COG4: variants seen among roughly 807,000 people sequenced by gnomAD.
The protein encoded by COG4 is conserved oligomeric Golgi complex subunit 4.
A neutral mutation model predicts 95.1 loss-of-function variants in COG4; 65 were observed. The observed-to-expected ratio is 0.68, with a 90% CI of 0.56 to 0.84. The LOEUF (loss-of-function observed/expected upper bound fraction) is 0.84, where lower values mean the gene tolerates loss of function less well. Among genes scored for constraint, COG4 ranks in the 40% least tolerant of loss-of-function variants. The pLI is 0.00. For missense variants in COG4, 1,045 were observed against 989.1 expected (o/e 1.06, Z -0.76); for synonymous variants, 421 against 374.8 (o/e 1.12, Z -1.42).
chr16:70,499,191 A>C (rs2049399399), intron 9 of COG4, among the ~76,000 whole-genome samples: 1 of 152,172 alleles, frequency 6.6e-6, no homozygotes, highest in African/African-American at 2.4e-5. Flanking sequence ...TTTTTTATTA[A>C]ATTTTTTTTT....
At chr16:70,499,399 A>G (rs1231081219) in intron 9 of COG4, among the ~76,000 whole-genome samples, 1 of 152,236 alleles carries the variant, frequency 6.6e-6, no homozygotes, top group Admixed American at 6.5e-5. Context: ...ACTCCAAATG[A>G]GCACACAATT....
At position 70,523,397 on chromosome 16, in the gene COG4, T is replaced by C; in HGVS notation, c.147A>G (p.Val49=). 1 of 1,614,176 alleles carries C rather than the reference T, an allele frequency of 6.2e-7. No homozygotes were observed. The change falls in exon 1 of 19, where the codon GTA becomes GTG. Residue 49 remains valine, a synonymous_variant. Coordinates refer to ENST00000323786, the MANE Select transcript of COG4 (RefSeq NM_015386.3). Reference sequence around the variant, plus strand: ...CCTCCTCGCCGCAGAGCCGTTCGTATACAGCCTCCAGCTCCTGCAGCTCTG... The same window carrying C: ...CCTCCTCGCCGCAGAGCCGTTCGTACACAGCCTCCAGCTCCTGCAGCTCTG... ...SLTELQELEA[V]YERLCGEEKV... is the part of the protein sequence containing the mutation.
chr16:70,514,677 T>C (rs1484530807), intron 3 of COG4, among the ~76,000 whole-genome samples, 168 bp from the exon 4 acceptor site: 2 of 152,188 alleles, frequency 1.3e-5, no homozygotes, highest in African/African-American at 2.4e-5. Context: ...ATCAAGACCA[T>C]TGACAGATAT....
chr16:70,489,132 T>C (rs957481245), intron 13 of COG4, among the ~76,000 whole-genome samples: 1 of 152,176 alleles, frequency 6.6e-6, no homozygotes, highest in Admixed American at 6.5e-5. Context: ...TAACAGCTAC[T>C]AGCTTTGTAT....
At chr16:70,510,597 T>C (rs2151759082) in intron 5 of COG4, among the ~76,000 whole-genome samples, 1 of 152,310 alleles carries the variant, frequency 6.6e-6, no homozygotes, top group Admixed American at 6.5e-5. Flanking sequence ...AGTGTTGGAA[T>C]TACAGGCGTG....
Position 70,480,951 on chromosome 16 carries a change from G to A in COG4, c.*59C>T, listed in dbSNP as rs1035186212. On this transcript the variant is annotated 3_prime_UTR_variant, in exon 19 of 19. Coordinates refer to ENST00000323786, the MANE Select transcript of COG4 (RefSeq NM_015386.3). ...GACAGCCTCGCTCAGCTCCTTGGCT[G>A]GGGCCCCTTAGGGAACAGGCCTGCA... is the stretch of plus-strand genomic sequence containing the variant. 3.7e-6 allele frequency: 6 copies of A among 1,602,516 alleles called. No individual in the cohort carries two copies. The highest frequency in any genetic ancestry group is 5.1e-6 in the Non-Finnish European group (6 of 1,175,860).
At position 70,517,712 on chromosome 16, in the gene COG4, C is replaced by A. The variant is rs1484301948; in HGVS notation, c.283G>T (p.Ala95Ser). Residue 95 changes from alanine (A) to serine (S), a missense_variant, in exon 3 of 19, where the codon GCA becomes TCA. By Grantham distance (99) the Ala-to-Ser change is moderately conservative (BLOSUM62 1). Coordinates refer to ENST00000323786, the MANE Select transcript of COG4 (RefSeq NM_015386.3). ...GTGATCATTCCAGCCAGCTGCTTTG[C>A]ATCTCCCTCAATCAGCTGCAGATTA... is the stretch of plus-strand genomic sequence containing the variant. ...GPNLQLIEGD[A>S]KQLAGMITFT... The A allele has an allele frequency of 6.2e-7, 1 of 1,612,674 alleles. No homozygotes were observed. The highest frequency in any genetic ancestry group is 1.1e-5 in the South Asian group (1 of 91,054).
intron 14 of COG4, among the ~76,000 whole-genome samples, chr16:70,483,571 G>A (rs1040304078): frequency 6.6e-6 from 1 of 152,088 alleles, no homozygotes; most frequent in South Asian, 2.1e-4. Flanking sequence ...ACAACCATGT[G>A]GCTCCACTTC....
At chr16:70,481,205 G>T in intron 18 of COG4, 61 bp from the exon 19 acceptor site, 3 of 1,606,524 alleles carry the variant, frequency 1.9e-6, no homozygotes, top group Non-Finnish European at 2.6e-6. Context: ...GAGGGCTCTG[G>T]CCTCTACCAG....
chr16:70,508,972 T>G lies in COG4; in HGVS notation c.1002+259A>C, dbSNP rs2049639050. ...GCACATTTTGTGATAGAGAACTGGT[T>G]TACTACTTCTGCTGTGTTCTTTTCA... On this transcript the variant is annotated intron_variant, in intron 7 of 18. Coordinates refer to ENST00000323786, the MANE Select transcript of COG4 (RefSeq NM_015386.3). 1.4e-5 allele frequency: 8 copies of G among 566,306 alleles called. No individual in the cohort carries two copies. The South Asian group carries it at 1.5e-4, about 10-fold the overall frequency. 35.1% of individuals were successfully genotyped at this position (566,306 alleles called of 1,614,324 possible). A position where few individuals can be genotyped will look rare whatever the true frequency, so the allele number is the denominator to read the frequency against.
chr16:70,519,528 A>G, intron 2 of COG4, 121 bp downstream of exon 2: 1 of 739,382 alleles, frequency 1.4e-6, no homozygotes, highest in Non-Finnish European at 2.4e-6. Context: ...TTATCTTGAG[A>G]TAATACCCTT....
chr16:70,519,728 C>T lies in COG4; in HGVS notation c.175G>A (p.Val59Met), dbSNP rs2049895876. The change falls in exon 2 of 19, where the codon GTG becomes ATG. Residue 59 changes from valine (V) to methionine (M), a missense_variant. Physicochemically the swap from Val to Met is conservative, Grantham distance 21. Transcript: ENST00000323786. ...AGAGCATCCAGCTCTCTCTCCACCA[C>T]TTTCTGAAACACAGAGAAACATCCT... ...VYERLCGEEK[V>M]VERELDALLE... 1.2e-6 allele frequency: 2 copies of T among 1,612,054 alleles called. No individual in the cohort carries two copies. Among genetic ancestry groups the T allele is most frequent in the East Asian group, 4.5e-5 (2 of 44,878 alleles).
chr16:70,496,702 C>G lies in COG4; in HGVS notation c.1482-271G>C, dbSNP rs1044502879. Among the ~76,000 whole-genome samples the G allele has an allele frequency of 8.5e-5, 13 of 152,350 alleles. 1 individual carries two copies. Among genetic ancestry groups the G allele is most frequent in the East Asian group, 1.9e-4 (1 of 5,190 alleles). ...TTAGCCATCACCACTGCACTCCCAA[C>G]AAAGCTGTGCGGCTTAGTGAACGCA... On this transcript the variant is annotated intron_variant, in intron 11 of 18. Coordinates refer to ENST00000323786, the MANE Select transcript of COG4 (RefSeq NM_015386.3).
chr16:70,497,968 T>C lies in COG4; in HGVS notation c.1283A>G (p.Glu428Gly). 1 of 1,610,810 alleles carries C rather than the reference T, an allele frequency of 6.2e-7. No individual in the cohort carries two copies. Among genetic ancestry groups the C allele is most frequent in the Non-Finnish European group, 8.5e-7 (1 of 1,176,984 alleles). ...QELIGLYVTM[E>G]EYFMRETVNK... ...GACAGTCTCCCTCATGAAGTACTCC[T>C]CCATGGTAACATATAAGCCAATTAG... Residue 428 changes from glutamate (E) to glycine (G), a missense_variant, in exon 10 of 19, where the codon GAG (glutamate) becomes GGG (glycine). Transcript: ENST00000323786.
intron 7 of COG4, chr16:70,508,909 G>A (rs1301539358): frequency 9.4e-6 from 5 of 533,364 alleles, no homozygotes; most frequent in Non-Finnish European, 1.8e-5. Flanking sequence ...AGGACCTCAA[G>A]AAATAGAATT....
At chr16:70,516,180 TTTAA>T (rs1027143472) in intron 3 of COG4, 2 of 380,808 alleles carry the variant, frequency 5.3e-6, no homozygotes, top group African/African-American at 4.3e-5. Flanking sequence ...GGCCACTACT[TTTAA>T]TTGATTTTCA....
rs74342483 is a variant in COG4 at position 70,482,619 on chromosome 16, G to A, written c.1920+110C>T. The A allele has an allele frequency of 3.1e-4, 268 of 858,130 alleles. 2 individuals carry two copies. In the African/African-American group the frequency reaches 4.0e-3, roughly 13 times the overall value. 53.2% of individuals were successfully genotyped at this position (858,130 alleles called of 1,614,324 possible). ...TTCATGGGTCAGGGTGGGGGAAGTG[G>A]GCCTGGGAAGCATGGAAGGTCTAGT... On this transcript the variant is annotated intron_variant, in intron 15 of 18. Transcript: ENST00000323786.
intron 3 of COG4, chr16:70,515,731 G>A (rs779325094): frequency 8.2e-5 from 20 of 243,096 alleles, no homozygotes; most frequent in South Asian, 7.1e-4. Flanking sequence ...ATGCTTGCTT[G>A]TTCTAGAGAC....
intron 1 of COG4, among the ~76,000 whole-genome samples, chr16:70,521,683 TAAGTC>T (rs2049945136): frequency 6.6e-6 from 1 of 151,446 alleles, no homozygotes; most frequent in Non-Finnish European, 1.5e-5. Flanking sequence ...TTAGGAATGT[TAAGTC>T]AAGATACTAA....
Sources: gnomAD v4.1 joint callset for allele counts (sites outside exome capture counted in the v4.1 genomes callset) on GRCh38, gnomAD v4.1.1 for gene constraint, MANE v1.5 for transcripts, NCBI Gene and HGNC (gene_info 2026-07-23, HGNC 2026-07-21) for gene names.